CCDC192: variants seen among roughly 807,000 people sequenced by gnomAD.
The protein encoded by CCDC192 is coiled-coil domain containing 192, also known as coiled-coil domain-containing protein 192.
In CCDC192 at chr5:127,719,836, G is replaced by GGC. The variant is rs1304598701; in HGVS notation, c.114+12077_114+12078insCG. Among the ~76,000 whole-genome samples, 11 of 149,842 alleles carry GGC rather than the reference G, an allele frequency of 7.3e-5. No individual in the cohort carries two copies. The South Asian group carries it at 2.1e-3, about 29-fold the overall frequency. ...CATGGCCAGATCAGAGGAAGGGGCG[G>GGC]GGGAGGTGACACATGCTTTTTAAAC... On this transcript the variant is annotated intron_variant, in intron 2 of 6. Transcript: ENST00000514853.
chr5:127,939,119 T>C, intron 6 of CCDC192, among the ~76,000 whole-genome samples: 1 of 131,396 alleles, frequency 7.6e-6, no homozygotes, highest in Admixed American at 7.3e-5. Context: ...TCTTTTTTTT[T>C]TTTTTTTTTT....
chr5:127,832,259 G>A lies in CCDC192; in HGVS notation c.411+34097G>A, dbSNP rs1037052806. On this transcript the variant is annotated intron_variant, in intron 5 of 6. Coordinates refer to ENST00000514853, the MANE Select transcript of CCDC192 (RefSeq NM_001317938.2). Reference sequence around the variant, plus strand: ...GAGGCTTCAATACTAGAGAAGAAGTGAAAAATAGGAAGTCTTGCAAAATGC... The same window carrying A: ...GAGGCTTCAATACTAGAGAAGAAGTAAAAAATAGGAAGTCTTGCAAAATGC... 1.3e-4 allele frequency among the ~76,000 whole-genome samples: 20 copies of A among 152,282 alleles called. No individual in the cohort carries two copies. The East Asian group carries it at 3.7e-3, about 28-fold the overall frequency.
chr5:127,703,807 G>T (rs1020764738), intron 1 of CCDC192, among the ~76,000 whole-genome samples: 1 of 152,138 alleles, frequency 6.6e-6, no homozygotes, highest in African/African-American at 2.4e-5. Context: ...ACTGATGTGG[G>T]AAGGGGGAGG....
In CCDC192 at chr5:127,745,860, G is replaced by A. The variant is rs1202796411; in HGVS notation, c.115-8408G>A. On this transcript the variant is annotated intron_variant, in intron 2 of 6. Coordinates refer to ENST00000514853, the MANE Select transcript of CCDC192 (RefSeq NM_001317938.2). ...TGGAAGTAAAATAAAATTAATTATGGAAGTCCTATCTTTCTGCCCTTCTGC... is the reference window on the plus strand; with the variant it reads ...TGGAAGTAAAATAAAATTAATTATGAAAGTCCTATCTTTCTGCCCTTCTGC... Among the ~76,000 whole-genome samples the A allele has an allele frequency of 2.0e-5, 3 of 152,294 alleles. No homozygotes were observed. The South Asian group carries it at 6.2e-4, about 32-fold the overall frequency.
intron 5 of CCDC192, among the ~76,000 whole-genome samples, chr5:127,801,454 C>T (rs1360123264): frequency 6.6e-6 from 1 of 151,910 alleles, no homozygotes; most frequent in Non-Finnish European, 1.5e-5. Flanking sequence ...ATAGTCCCTG[C>T]CCCTCATCTT....
Position 127,732,153 on chromosome 5 carries a change from G to GAA in CCDC192, c.115-22107_115-22106dup, listed in dbSNP as rs142334613. On this transcript the variant is annotated intron_variant, in intron 2 of 6. Transcript: ENST00000514853. ...ACAAGGAACTTAAAGAAATGTACAA[G>GAA]AAAAAAAAACCATTAAAAAGTGGGC... Among the ~76,000 whole-genome samples, 288 of 150,030 alleles carry GAA rather than the reference G, an allele frequency of 1.9e-3. 1 individual carries two copies. The highest frequency in any genetic ancestry group is 5.6e-3 in the African/African-American group (231 of 41,012).
chr5:127,712,957 G>A (rs1056423062), intron 2 of CCDC192, among the ~76,000 whole-genome samples: 5 of 152,122 alleles, frequency 3.3e-5, no homozygotes, highest in African/African-American at 9.7e-5. Context: ...TTCTGTGGCC[G>A]GGTACAGTGG....
chr5:127,809,697 G>A (rs532239851), intron 5 of CCDC192, among the ~76,000 whole-genome samples: 22 of 152,120 alleles, frequency 1.4e-4, no homozygotes, highest in Non-Finnish European at 2.6e-4. Flanking sequence ...TTAATCCCCA[G>A]CTATTTATGA....
At chr5:127,902,613 A>C (rs528325550) in intron 6 of CCDC192, among the ~76,000 whole-genome samples, 1 of 152,340 alleles carries the variant, frequency 6.6e-6, no homozygotes, top group Non-Finnish European at 1.5e-5. Flanking sequence ...CTGATGTTGG[A>C]CTAGCCTTCA....
intron 5 of CCDC192, among the ~76,000 whole-genome samples, chr5:127,868,757 C>T (rs757816452): frequency 4.0e-5 from 6 of 151,540 alleles, no homozygotes; most frequent in Admixed American, 6.6e-5. Context: ...TGGCGGTGGG[C>T]GCCCATAGTC....
chr5:127,904,403 C>G (rs1369459579), intron 6 of CCDC192, among the ~76,000 whole-genome samples: 1 of 152,062 alleles, frequency 6.6e-6, no homozygotes, highest in African/African-American at 2.4e-5. Flanking sequence ...TATTTCTGCA[C>G]CTTCATACAT....
intron 5 of CCDC192, among the ~76,000 whole-genome samples, chr5:127,854,761 T>A (rs1580754675): frequency 6.6e-6 from 1 of 152,086 alleles, no homozygotes; most frequent in Admixed American, 6.5e-5. Context: ...ATAAAGTGAG[T>A]CACAGTAATT....
chr5:127,803,924 G>A (rs1515641), intron 5 of CCDC192, among the ~76,000 whole-genome samples: 8,652 of 152,190 alleles, frequency 0.057, 558 homozygotes, highest in East Asian at 0.27. Flanking sequence ...CAAATGAATC[G>A]TACAGCATGC....
chr5:127,933,824 C>A (rs1754118389), intron 6 of CCDC192, among the ~76,000 whole-genome samples: 1 of 152,186 alleles, frequency 6.6e-6, no homozygotes, highest in Non-Finnish European at 1.5e-5. Context: ...TTGAGGGAGC[C>A]TATTGGCTTT....
intron 2 of CCDC192, among the ~76,000 whole-genome samples, chr5:127,728,038 A>T (rs1752432770): frequency 6.6e-6 from 1 of 152,208 alleles, no homozygotes; most frequent in African/African-American, 2.4e-5. Context: ...GGACTATGGG[A>T]TTATGTAAAA....
intron 5 of CCDC192, among the ~76,000 whole-genome samples, chr5:127,860,238 C>T (rs1751297603): frequency 6.6e-6 from 1 of 152,072 alleles, no homozygotes; most frequent in Non-Finnish European, 1.5e-5. Flanking sequence ...CTTTATTTAC[C>T]CAGCATCTGG....
chr5:127,750,834 C>T (rs1754112172), intron 2 of CCDC192, among the ~76,000 whole-genome samples: 1 of 151,726 alleles, frequency 6.6e-6, no homozygotes, highest in Non-Finnish European at 1.5e-5. Context: ...GTAGTTAGCT[C>T]TTCTTGTTGA....
intron 6 of CCDC192, among the ~76,000 whole-genome samples, chr5:127,908,796 A>G (rs182329232): frequency 6.6e-6 from 1 of 152,310 alleles, no homozygotes; most frequent in East Asian, 1.9e-4. Context: ...ACAAAGAATA[A>G]CTGTTCAACT....
At chr5:127,824,955 G>A (rs1484486208) in intron 5 of CCDC192, among the ~76,000 whole-genome samples, 1 of 152,160 alleles carries the variant, frequency 6.6e-6, no homozygotes, top group African/African-American at 2.4e-5. Context: ...AGAAGACTAG[G>A]TTGGTAGTTG....
Sources: gnomAD v4.1 joint callset for allele counts (sites outside exome capture counted in the v4.1 genomes callset) on GRCh38, gnomAD v4.1.1 for gene constraint, MANE v1.5 for transcripts, NCBI Gene and HGNC (gene_info 2026-07-23, HGNC 2026-07-21) for gene names.